The following KAZN variants were observed in gnomAD, a reference collection of about 807,000 sequenced individuals.
The protein encoded by KAZN is kazrin, periplakin interacting protein, also known as kazrin.
In KAZN, 40 loss-of-function variants were observed where a neutral mutation model predicts 87.4. That is an observed-to-expected ratio of 0.46 (90% CI 0.36 to 0.60). KAZN has a LOEUF of 0.60. Among genes scored for constraint, KAZN ranks in the 20% least tolerant of loss-of-function variants. KAZN has a pLI of 0.00. For synonymous variants in KAZN, 466 were observed against 458.3 expected (o/e 1.02, Z -0.22); for missense variants, 898 against 1,073.9 (o/e 0.84, Z 2.29).
intron 2 of KAZN, among the ~76,000 whole-genome samples, chr1:14,207,287 T>C (rs1482048240): frequency 6.6e-6 from 1 of 152,100 alleles, no homozygotes; most frequent in Admixed American, 6.5e-5. Flanking sequence ...TTTTTTACCA[T>C]AAATTGCTCG....
intron 2 of KAZN, among the ~76,000 whole-genome samples, chr1:14,315,314 A>G (rs1402853527): frequency 6.6e-6 from 1 of 152,156 alleles, no homozygotes; most frequent in Non-Finnish European, 1.5e-5. Context: ...ATGAATACAT[A>G]CAGAACTAAA....
intron 2 of KAZN, among the ~76,000 whole-genome samples, chr1:14,587,294 G>A (rs1268527005): frequency 6.6e-6 from 1 of 151,892 alleles, no homozygotes; most frequent in African/African-American, 2.4e-5. Context: ...AAATCATCCG[G>A]GTGTGGTGGC....
At chr1:14,207,671 G>A (rs1207283123) in intron 2 of KAZN, among the ~76,000 whole-genome samples, 1 of 152,156 alleles carries the variant, frequency 6.6e-6, no homozygotes, top group Non-Finnish European at 1.5e-5. Flanking sequence ...GGGGCTGGGT[G>A]AGCGCCCCTT....
In KAZN at chr1:15,002,160, G is replaced by A. The variant is rs973124633; in HGVS notation, c.419-32589G>A. On this transcript the variant is annotated intron_variant, in intron 2 of 14. Transcript: ENST00000376030. ...CTCCCAAAGTGCTGGGATTACAGGC[G>A]TGAGCCACCGTGCCTGGCCGCAAAA... 3.3e-5 allele frequency among the ~76,000 whole-genome samples: 5 copies of A among 152,090 alleles called. No individual in the cohort carries two copies. The East Asian group carries it at 9.6e-4, about 29-fold the overall frequency.
chr1:14,078,178 G>A (rs1182232951), intron 1 of KAZN, among the ~76,000 whole-genome samples: 2 of 152,166 alleles, frequency 1.3e-5, no homozygotes, highest in Non-Finnish European at 2.9e-5. Flanking sequence ...CAGGACACAT[G>A]GCTGGCACTG....
intron 7 of KAZN, among the ~76,000 whole-genome samples, chr1:15,065,006 G>GTCC (rs1639107067): frequency 6.7e-6 from 1 of 150,038 alleles, no homozygotes; most frequent in Non-Finnish European, 1.5e-5. Flanking sequence ...ACCAGACACC[G>GTCC]TCCTTGGGGT....
In KAZN at chr1:14,773,041, G is replaced by A. The variant is rs754506823; in HGVS notation, c.226+173818G>A. On this transcript the variant is annotated intron_variant, in intron 1 of 14. Coordinates refer to ENST00000376030, the MANE Select transcript of KAZN (RefSeq NM_201628.3). The surrounding 1 kb of genome is among the most constrained non-coding windows in gnomAD (Gnocchi z 5.9). ...ATGTCCACAGGCGGCCTCTTCATGG[G>A]GGTCTCAGGAAATGGGCATTTGAGG... Among the ~76,000 whole-genome samples the A allele has an allele frequency of 1.3e-5, 2 of 152,112 alleles. No homozygotes were observed. The highest frequency in any genetic ancestry group is 2.9e-5 in the Non-Finnish European group (2 of 68,020).
In KAZN at chr1:13,973,126, C is replaced by G. The variant is rs143555380; in HGVS notation, c.91+79370C>G. Among the ~76,000 whole-genome samples, 5 of 152,222 alleles carry G rather than the reference C, an allele frequency of 3.3e-5. No homozygotes were observed. In the East Asian group the frequency reaches 9.7e-4, roughly 29 times the overall value. On this transcript the variant is annotated intron_variant, in intron 1 of 16. Coordinates refer to the KAZN transcript ENST00000636203. ...TCCCCTTCATCTTCTTCCTCTTCAT[C>G]TTTATTATCAACATCTATAAAACAG...
intron 1 of KAZN, among the ~76,000 whole-genome samples, chr1:14,643,634 G>T (rs138476549): frequency 6.6e-6 from 1 of 152,080 alleles, no homozygotes; most frequent in African/African-American, 2.4e-5. Flanking sequence ...GAACATTTGC[G>T]TGCATGTATC....
At chr1:14,070,155 G>A (rs1643187869) in intron 1 of KAZN, among the ~76,000 whole-genome samples, 2 of 47,056 alleles carry the variant, frequency 4.3e-5, no homozygotes, top group South Asian at 5.4e-4. Context: ...GCGACAGTGC[G>A]AGACTCCATC....
intron 1 of KAZN, among the ~76,000 whole-genome samples, chr1:14,165,957 G>T (rs756453516): frequency 6.6e-6 from 1 of 152,068 alleles, no homozygotes; most frequent in Admixed American, 6.6e-5. Context: ...ATTCTCTCAC[G>T]GTCATACAAA....
intron 1 of KAZN, among the ~76,000 whole-genome samples, chr1:14,908,326 AG>A (rs1181369810): frequency 8.6e-5 from 13 of 152,012 alleles, no homozygotes; most frequent in African/African-American, 3.1e-4. Context: ...GGATCATTTG[AG>A]GTCAGGAGTT....
At position 14,414,357 on chromosome 1, in the gene KAZN, A is replaced by C. The variant is rs568325436; in HGVS notation, c.250-184626A>C. 7.9e-3 allele frequency among the ~76,000 whole-genome samples: 1,196 copies of C among 152,180 alleles called. 19 individuals carry two copies. Among genetic ancestry groups the C allele is most frequent in the African/African-American group, 0.027 (1,132 of 41,510 alleles). On this transcript the variant is annotated intron_variant, in intron 2 of 16. Coordinates refer to the KAZN transcript ENST00000636203. Reference sequence around the variant, plus strand: ...TATTTGTCATAGGAAAAAAAAAAAAAAAAAAACCTTTTATAGTGGTGGGGG... The same window carrying C: ...TATTTGTCATAGGAAAAAAAAAAAACAAAAAACCTTTTATAGTGGTGGGGG...
intron 2 of KAZN, among the ~76,000 whole-genome samples, chr1:14,453,198 G>A (rs367863623): frequency 2.6e-4 from 40 of 151,898 alleles, no homozygotes; most frequent in African/African-American, 8.2e-4. Context: ...CTCGTGATCC[G>A]CCCGCCTCGG....
chr1:14,836,025 T>C (rs1015939074), intron 1 of KAZN, among the ~76,000 whole-genome samples: 1 of 152,168 alleles, frequency 6.6e-6, no homozygotes, highest in African/African-American at 2.4e-5. Context: ...AAACAGACCC[T>C]TGTGGGCCAG....
intron 13 of KAZN, among the ~76,000 whole-genome samples, chr1:15,108,378 G>C (rs1165064216): frequency 6.6e-6 from 1 of 152,224 alleles, no homozygotes; most frequent in Non-Finnish European, 1.5e-5. Flanking sequence ...ATGGGACCCA[G>C]CGGGGCCTTT....
intron 1 of KAZN, among the ~76,000 whole-genome samples, chr1:14,775,779 A>G (rs908824263): frequency 4.6e-5 from 7 of 152,206 alleles, no homozygotes; most frequent in South Asian, 2.1e-4. Context: ...CATAAGATAC[A>G]TGTCAGCCAG....
chr1:14,307,581 A>G (rs1655014914), intron 2 of KAZN, among the ~76,000 whole-genome samples: 1 of 152,182 alleles, frequency 6.6e-6, no homozygotes, highest in Admixed American at 6.5e-5. Context: ...TAGTACCAGA[A>G]CTTGAACTCT....
intron 1 of KAZN, among the ~76,000 whole-genome samples, chr1:13,923,516 T>C (rs1640145716): frequency 7.2e-6 from 1 of 139,514 alleles, no homozygotes; most frequent in South Asian, 2.2e-4. Flanking sequence ...GAGCTTGCAG[T>C]GAGCCGAGAT....
Sources: gnomAD v4.1 joint callset for allele counts (sites outside exome capture counted in the v4.1 genomes callset) on GRCh38, gnomAD v4.1.1 for gene constraint, Gnocchi (gnomAD v3.1) non-coding constraint, MANE v1.5 for transcripts, NCBI Gene and HGNC (gene_info 2026-07-23, HGNC 2026-07-21) for gene names.